HS1BP3: variants seen among roughly 807,000 people sequenced by gnomAD.
The protein encoded by HS1BP3 is HCLS1-binding protein 3.
HS1BP3 carries 32 observed loss-of-function variants against 33.5 expected under a neutral mutation model. That is an observed-to-expected ratio of 0.95 (90% CI 0.72 to 1.28). The LOEUF (loss-of-function observed/expected upper bound fraction) is 1.28, where lower values mean the gene tolerates loss of function less well. Among genes scored for constraint, HS1BP3 ranks in the 50% most tolerant of loss-of-function variants. The probability of loss-of-function intolerance (pLI) is 0.00; values close to 1 mark genes in which losing one functional copy is unlikely to be tolerated. For synonymous variants in HS1BP3, 187 were observed against 209.2 expected, an observed-to-expected ratio of 0.89 and a Z score of 0.92; for missense variants, 486 against 502.3, an observed-to-expected ratio of 0.97 and a Z score of 0.31.
intron 2 of HS1BP3, among the ~76,000 whole-genome samples, chr2:20,608,926 A>C (rs1694257952): frequency 6.6e-6 from 1 of 152,202 alleles, no homozygotes; most frequent in Non-Finnish European, 1.5e-5. Flanking sequence ...CACAGCTCTG[A>C]GCATGAAGAG....
chr2:20,638,128 G>A (rs912329621), intron 4 of HS1BP3: 14 of 526,624 alleles, frequency 2.7e-5, no homozygotes, highest in East Asian at 6.2e-5. Context: ...GGACAGGCCC[G>A]CAGCCTGCAC....
At chr2:20,571,125 GTTTGCTAGAC>G (rs1439215385) in intron 5 of HS1BP3, among the ~76,000 whole-genome samples, 1 of 152,214 alleles carries the variant, frequency 6.6e-6, no homozygotes, top group African/African-American at 2.4e-5. Context: ...GAGGCTTAGT[GTTTGCTAGAC>G]TTTGCGGTTA....
intron 4 of HS1BP3, 96 bp from the exon 5 acceptor site, chr2:20,624,988 G>A (rs1325851400): frequency 7.0e-7 from 1 of 1,430,192 alleles, no homozygotes; most frequent in Non-Finnish European, 9.7e-7. Context: ...TGCAGTGGAG[G>A]GGCTGGATGC....
downstream of HS1BP3, among the ~76,000 whole-genome samples, chr2:20,559,783 C>T (rs1692945602): frequency 6.6e-6 from 1 of 152,046 alleles, no homozygotes; most frequent in Non-Finnish European, 1.5e-5. Flanking sequence ...TTGTCTCCAG[C>T]CCCTCTGCAT....
chr2:20,627,695 C>T (rs1479708245), intron 4 of HS1BP3, among the ~76,000 whole-genome samples: 1 of 152,182 alleles, frequency 6.6e-6, no homozygotes, highest in Non-Finnish European at 1.5e-5. Flanking sequence ...TACCCCCACC[C>T]ACCCATGCTG....
chr2:20,641,103 T>A lies in HS1BP3; in HGVS notation c.276A>T (p.Pro92=). Residue 92 remains proline (P), a synonymous_variant, in exon 3 of 7, where the codon CCA becomes CCT. Coordinates refer to ENST00000304031, the MANE Select transcript of HS1BP3 (RefSeq NM_022460.4). Reference sequence around the variant, plus strand: ...CAACAAACAGGACCTTCCTGGGTAGTGGGGGGAGGCTGGCTGCTGCATAAC... The same window carrying A: ...CAACAAACAGGACCTTCCTGGGTAGAGGGGGGAGGCTGGCTGCTGCATAAC... ...SSRYAAASLP[P]LPRKVLFVGE... is the part of the protein sequence containing the mutation. 2 of 1,613,648 alleles carry A rather than the reference T, an allele frequency of 1.2e-6. No individual in the cohort carries two copies. Among genetic ancestry groups the A allele is most frequent in the Non-Finnish European group, 1.7e-6 (2 of 1,179,982 alleles).
downstream of HS1BP3, among the ~76,000 whole-genome samples, chr2:20,587,759 A>T (rs2149277903): frequency 6.6e-6 from 1 of 152,332 alleles, no homozygotes; most frequent in East Asian, 1.9e-4. Context: ...AAAATAAAAA[A>T]TAAAAAAATA....
chr2:20,565,967 C>T (rs12615661), intron 5 of HS1BP3, among the ~76,000 whole-genome samples: 19,420 of 152,286 alleles, frequency 0.13, 1,563 homozygotes, highest in East Asian at 0.24. Context: ...CTACCACATA[C>T]GCATTGCTTC....
chr2:20,585,848 G>A (rs754732678), intron 5 of HS1BP3, among the ~76,000 whole-genome samples: 6 of 152,178 alleles, frequency 3.9e-5, no homozygotes, highest in Non-Finnish European at 8.8e-5. Flanking sequence ...TGTGTGTCAG[G>A]CACGGCACCT....
At chr2:20,629,464 G>A (rs565382460) in intron 4 of HS1BP3, among the ~76,000 whole-genome samples, 18 of 152,182 alleles carry the variant, frequency 1.2e-4, no homozygotes, top group Non-Finnish European at 2.4e-4. Flanking sequence ...TCCCTTCATT[G>A]GAAGGACAGC....
chr2:20,616,326 C>G (rs114182586), downstream of HS1BP3, among the ~76,000 whole-genome samples: 1,213 of 152,316 alleles, frequency 8.0e-3, 10 homozygotes, highest in African/African-American at 0.027. Context: ...CCCTGAGAAC[C>G]TGTTTCTAGT....
chr2:20,554,584 G>A, the HS1BP3 span, among the ~76,000 whole-genome samples: 3 of 152,052 alleles, frequency 2.0e-5, no homozygotes, highest in Admixed American at 6.5e-5. Context: ...TTGGCCGGGC[G>A]TGGTGGTGGG....
the HS1BP3 span, among the ~76,000 whole-genome samples, chr2:20,554,886 C>T: frequency 2.0e-5 from 3 of 152,148 alleles, no homozygotes; most frequent in Non-Finnish European, 1.5e-5. Context: ...TACTTAAAAC[C>T]CACTGCCTTC....
intron 5 of HS1BP3, among the ~76,000 whole-genome samples, chr2:20,581,801 C>T (rs1693540186): frequency 1.3e-5 from 2 of 152,186 alleles, no homozygotes; most frequent in Non-Finnish European, 2.9e-5. Flanking sequence ...AATCTGTTTC[C>T]ACCTATGCAC....
At chr2:20,594,472 G>A (rs78902890) in intron 3 of HS1BP3, among the ~76,000 whole-genome samples, 2,309 of 152,272 alleles carry the variant, frequency 0.015, 58 homozygotes, top group African/African-American at 0.052. Context: ...ATGGAGAGAT[G>A]GCTCCTTCCC....
At chr2:20,588,989 G>A (rs913709798), downstream of HS1BP3, among the ~76,000 whole-genome samples, 1 of 152,198 alleles carries the variant, frequency 6.6e-6, no homozygotes, top group African/African-American at 2.4e-5. Flanking sequence ...GCTGACCACT[G>A]AGTCGGCAGG....
intron 5 of HS1BP3, among the ~76,000 whole-genome samples, chr2:20,578,456 C>T (rs905855118): frequency 6.6e-6 from 1 of 152,228 alleles, no homozygotes; most frequent in Non-Finnish European, 1.5e-5. Flanking sequence ...GCAGTGATGA[C>T]ACCATCTTTG....
chr2:20,559,633 T>G (rs1055064363), downstream of HS1BP3, among the ~76,000 whole-genome samples: 3 of 149,914 alleles, frequency 2.0e-5, no homozygotes, highest in Admixed American at 2.0e-4. Flanking sequence ...GGTGGATGGA[T>G]AGGTAGATGG....
downstream of HS1BP3, among the ~76,000 whole-genome samples, chr2:20,589,594 A>G (rs1342441961): frequency 6.6e-6 from 1 of 152,214 alleles, no homozygotes; most frequent in Non-Finnish European, 1.5e-5. Flanking sequence ...AGGGCCAGGA[A>G]GTTAGCTTGT....
Sources: gnomAD v4.1 joint callset for allele counts (sites outside exome capture counted in the v4.1 genomes callset) on GRCh38, gnomAD v4.1.1 for gene constraint, MANE v1.5 for transcripts, NCBI Gene and HGNC (gene_info 2026-07-23, HGNC 2026-07-21) for gene names.